The following CACNA1D variants were observed in gnomAD, a reference collection of about 807,000 sequenced individuals.
The protein encoded by CACNA1D is calcium voltage-gated channel subunit alpha1 D.
A neutral mutation model predicts 257.1 loss-of-function variants in CACNA1D; 55 were observed. That is an observed-to-expected ratio of 0.21 (90% CI 0.17 to 0.27). The LOEUF (loss-of-function observed/expected upper bound fraction) is 0.27. Among genes scored for constraint, CACNA1D ranks in the 10% least tolerant of loss-of-function variants. CACNA1D has a pLI of 1.00. For synonymous variants in CACNA1D, 980 were observed against 1,014.9 expected (o/e 0.97, Z 0.65); for missense variants, 1,876 against 2,784.0 (o/e 0.67, Z 7.34).
chr3:53,726,815 G>T lies in CACNA1D; in HGVS notation c.2101-64G>T. The stretch of plus-strand genomic sequence containing the variant: ...ACCAGATCTAGGCAGCCACCGAGGG[G>T]CTCTAAGAGAGCGGCTGCAATTTGT... On this transcript the variant is annotated intron_variant, in intron 14 of 47. Coordinates refer to ENST00000350061, the MANE Select transcript of CACNA1D (RefSeq NM_001128840.3). 1.9e-6 allele frequency: 3 copies of T among 1,611,752 alleles called. No homozygotes were observed. The Admixed American group carries it at 5.0e-5, about 27-fold the overall frequency.
chr3:53,711,606 C>T (rs2094756650), intron 9 of CACNA1D, among the ~76,000 whole-genome samples: 1 of 152,180 alleles, frequency 6.6e-6, no homozygotes. Flanking sequence ...ACAGCAGGGA[C>T]GTGAAGCCAA....
intron 3 of CACNA1D, among the ~76,000 whole-genome samples, chr3:53,509,793 T>C (rs1405965192): frequency 1.3e-5 from 2 of 152,218 alleles, no homozygotes; most frequent in East Asian, 3.9e-4. Flanking sequence ...GCCATGCTCA[T>C]CTTCTGAGGG....
At chr3:53,655,623 C>G (rs192640078) in intron 4 of CACNA1D, among the ~76,000 whole-genome samples, 11 of 152,214 alleles carry the variant, frequency 7.2e-5, no homozygotes, top group Admixed American at 5.2e-4. Context: ...TGAATAGTAT[C>G]TCTTCATGTC....
intron 15 of CACNA1D, among the ~76,000 whole-genome samples, 170 bp downstream of exon 15, chr3:53,727,169 C>T (rs1576474760): frequency 6.6e-6 from 1 of 152,164 alleles, no homozygotes; most frequent in East Asian, 1.9e-4. Flanking sequence ...TGGGGGACAG[C>T]GTCCTGTAAG....
rs113310028 is a variant in CACNA1D at position 53,598,927 on chromosome 3, G to A, written c.484-51852G>A. On this transcript the variant is annotated intron_variant, in intron 3 of 47. Coordinates refer to ENST00000350061, the MANE Select transcript of CACNA1D (RefSeq NM_001128840.3). ...CTGAGAAACTTCATGCCATTTGACA[G>A]TTTTCTTGAGGTCATGAGCAAATTA... is the stretch of plus-strand genomic sequence containing the variant. Among the ~76,000 whole-genome samples, 1,437 of 152,196 alleles carry A rather than the reference G, an allele frequency of 9.4e-3. 26 individuals are homozygous for A. The highest frequency in any genetic ancestry group is 0.033 in the African/African-American group (1,350 of 41,534).
chr3:53,526,741 G>C (rs1353902995), intron 3 of CACNA1D, among the ~76,000 whole-genome samples: 1 of 152,196 alleles, frequency 6.6e-6, no homozygotes, highest in African/African-American at 2.4e-5. Flanking sequence ...TTGTCACCAA[G>C]CCTGGATTCC....
intron 3 of CACNA1D, among the ~76,000 whole-genome samples, chr3:53,627,792 C>T (rs2093776919): frequency 6.6e-6 from 1 of 152,068 alleles, no homozygotes; most frequent in African/African-American, 2.4e-5. Context: ...GTGGGCAGAT[C>T]ACCTGAGGTC....
chr3:53,723,058 T>A lies in CACNA1D; in HGVS notation c.1667-376T>A, dbSNP rs2094897585. On this transcript the variant is annotated intron_variant, in intron 12 of 47. Transcript: ENST00000350061. The surrounding 1 kb of genome is among the most constrained non-coding windows in gnomAD (Gnocchi z 5.6). ...TAAATGAATTCAGACAGATCTTTTC[T>A]GTGTGATTGAATGAAAAAATATGTA... Among the ~76,000 whole-genome samples the A allele has an allele frequency of 6.6e-6, 1 of 152,228 alleles. No homozygotes were observed. The highest frequency in any genetic ancestry group is 6.5e-5 in the Admixed American group (1 of 15,284).
chr3:53,748,963 T>A (rs1360001756), intron 26 of CACNA1D: 1 of 485,768 alleles, frequency 2.1e-6, no homozygotes, highest in Non-Finnish European at 3.8e-6. Flanking sequence ...TCCAGTGTCT[T>A]ACACGTGATA....
At chr3:53,767,358 A>G (rs1450988816) in intron 30 of CACNA1D, among the ~76,000 whole-genome samples, 6 of 152,176 alleles carry the variant, frequency 3.9e-5, no homozygotes, top group Non-Finnish European at 8.8e-5. Context: ...TGAGGTCAGG[A>G]GTTGGAGACC....
intron 15 of CACNA1D, among the ~76,000 whole-genome samples, 165 bp downstream of exon 15, chr3:53,727,164 G>A (rs1387278629): frequency 1.3e-5 from 2 of 152,200 alleles, no homozygotes; most frequent in Non-Finnish European, 2.9e-5. Flanking sequence ...GCTGCTGGGG[G>A]ACAGCGTCCT....
intron 3 of CACNA1D, among the ~76,000 whole-genome samples, chr3:53,529,018 T>C (rs1237346787): frequency 6.6e-6 from 1 of 152,188 alleles, no homozygotes; most frequent in African/African-American, 2.4e-5. Context: ...TTTCTTGCCT[T>C]GTAACATTGG....
intron 20 of CACNA1D, among the ~76,000 whole-genome samples, chr3:53,739,889 T>G (rs2095098532): frequency 6.6e-6 from 1 of 152,234 alleles, no homozygotes; most frequent in Non-Finnish European, 1.5e-5. Flanking sequence ...ACATACTTCA[T>G]TCAGCCAGAA....
Position 53,776,047 on chromosome 3 carries a change from T to A in CACNA1D, c.4362+2T>A. ...TTTTACATGCTCTGTGCATTTCTGG[T>A]AAGTGAGCAACACAGCTCCCCCTCT... On this transcript the variant is annotated splice_donor_variant, in intron 35 of 47. Transcript: ENST00000350061. LOFTEE classifies it high-confidence loss of function. The A allele has an allele frequency of 6.2e-7, 1 of 1,613,562 alleles. No homozygotes were observed. Among genetic ancestry groups the A allele is most frequent in the Non-Finnish European group, 8.5e-7 (1 of 1,179,498 alleles).
chr3:53,762,223 A>G, intron 30 of CACNA1D, 142 bp downstream of exon 30: 5 of 715,462 alleles, frequency 7.0e-6, no homozygotes, highest in South Asian at 5.9e-5. Flanking sequence ...TCCTAATGAG[A>G]GCTGTAGGCA....
chr3:53,629,211 T>C (rs12496519), intron 3 of CACNA1D, among the ~76,000 whole-genome samples: 57,014 of 152,036 alleles, frequency 0.38, 11,308 homozygotes, highest in East Asian at 0.64. Context: ...AACCCCTGGT[T>C]TAGTGAAAAG....
intron 3 of CACNA1D, among the ~76,000 whole-genome samples, chr3:53,609,109 G>T (rs928006917): frequency 1.3e-5 from 2 of 152,096 alleles, no homozygotes; most frequent in Non-Finnish European, 2.9e-5. Context: ...AAGATTTCAA[G>T]TTAAGAATTC....
intron 3 of CACNA1D, among the ~76,000 whole-genome samples, chr3:53,592,877 C>T (rs984101635): frequency 1.3e-5 from 2 of 152,004 alleles, no homozygotes; most frequent in South Asian, 2.1e-4. Flanking sequence ...TTAGTAGAGA[C>T]GGGGTTTTGC....
chr3:53,712,708 C>G (rs1472414412), intron 9 of CACNA1D, among the ~76,000 whole-genome samples: 3 of 152,142 alleles, frequency 2.0e-5, no homozygotes, highest in Non-Finnish European at 4.4e-5. Context: ...CCAGCCTCAC[C>G]CCCTACCCTT....
Sources: allele counts gnomAD v4.1 joint callset (sites outside exome capture counted in the v4.1 genomes callset), GRCh38; gene constraint gnomAD v4.1.1; non-coding constraint Gnocchi (gnomAD v3.1); transcripts MANE v1.5; gene names NCBI Gene and HGNC (gene_info 2026-07-23, HGNC 2026-07-21).